The following KDM6A variants were observed in gnomAD, a reference collection of about 807,000 sequenced individuals.
The protein encoded by KDM6A is lysine-specific demethylase 6A.
A neutral mutation model predicts 117.6 loss-of-function variants in KDM6A; 11 were observed. The ratio of observed to expected loss-of-function variants is 0.09; its 90% CI spans 0.06 to 0.15. The LOEUF (loss-of-function observed/expected upper bound fraction) is 0.15, where lower values mean the gene tolerates loss of function less well. Ranked by LOEUF, KDM6A falls within the 10% of genes least tolerant of loss-of-function variation. KDM6A has a pLI of 1.00. For missense variants in KDM6A, 799 were observed against 1,077.3 expected, an observed-to-expected ratio of 0.74 and a Z score of 3.62; for synonymous variants, 384 against 396.1, an observed-to-expected ratio of 0.97 and a Z score of 0.36.
chrX:44,986,949 C>T (rs1313237193), intron 4 of KDM6A, among the ~76,000 whole-genome samples: 1 of 111,172 alleles, frequency 9.0e-6, no homozygotes, highest in Non-Finnish European at 1.9e-5. Context: ...GAGCTGAGTT[C>T]AATTCCTGGA....
Position 44,904,292 on chromosome X carries a change from T to A in KDM6A, c.225+30305T>A, listed in dbSNP as rs183516910. 9.8e-5 allele frequency among the ~76,000 whole-genome samples: 11 copies of A among 112,152 alleles called. No homozygotes were observed. In the East Asian group the frequency reaches 3.1e-3, roughly 31 times the overall value. ...GTGCAGTCAGTTGACAACATTGCCATAGCCATTATTTTGATTGTGCAGAGC... is the reference window on the plus strand; with the variant it reads ...GTGCAGTCAGTTGACAACATTGCCAAAGCCATTATTTTGATTGTGCAGAGC... On this transcript the variant is annotated intron_variant, in intron 2 of 29. Coordinates refer to ENST00000611820, the MANE Select transcript of KDM6A (RefSeq NM_001291415.2).
chrX:44,937,395 G>T (rs1602262329), intron 2 of KDM6A, among the ~76,000 whole-genome samples: 1 of 111,119 alleles, frequency 9.0e-6, no homozygotes, highest in Non-Finnish European at 1.9e-5. Context: ...CAAATCTATT[G>T]GAACCATTTT....
At chrX:45,084,285 C>G (rs2045556357) in intron 24 of KDM6A, among the ~76,000 whole-genome samples, 1 of 111,660 alleles carries the variant, frequency 9.0e-6, no homozygotes, top group South Asian at 3.7e-4. Context: ...ACTGAAGTAC[C>G]ATCTTCTTTG....
intron 5 of KDM6A, among the ~76,000 whole-genome samples, chrX:45,013,520 G>A (rs187188072): frequency 7.1e-5 from 8 of 111,957 alleles, no homozygotes; most frequent in African/African-American, 1.6e-4. Context: ...AAGTTAGCAG[G>A]CTTGTAGCTG....
chrX:44,873,373 G>GCCT lies in KDM6A; in HGVS notation c.-177_-176insTCC, dbSNP rs1438593302. The GCCT allele has an allele frequency of 4.6e-6, 3 of 651,678 alleles. No homozygotes were observed. In the African/African-American group the frequency reaches 7.2e-5, roughly 16 times the overall value. 53.7% of individuals were successfully genotyped at this position (651,678 alleles called of 1,213,427 possible). A position where few individuals can be genotyped will look rare whatever the true frequency, so the allele number is the denominator to read the frequency against. On this transcript the variant is annotated 5_prime_UTR_variant, in exon 1 of 30. Coordinates refer to ENST00000611820, the MANE Select transcript of KDM6A (RefSeq NM_001291415.2). ...ACCCGGGGGCTCCGCAGCCCCTGCC[G>GCCT]CCGCCGCCGCCGCCTTCACCGCCGC...
intron 5 of KDM6A, among the ~76,000 whole-genome samples, chrX:45,014,235 A>G (rs966179558): frequency 3.6e-5 from 4 of 112,162 alleles, no homozygotes; most frequent in Non-Finnish European, 5.6e-5. Context: ...TATTAGTTAT[A>G]GTGTTACTCT....
chrX:44,948,274 G>T (rs778132981), intron 2 of KDM6A, among the ~76,000 whole-genome samples: 7 of 111,867 alleles, frequency 6.3e-5, no homozygotes, highest in Non-Finnish European at 1.3e-4. Flanking sequence ...GCTGTTTTAT[G>T]CCTGGTAGCT....
chrX:45,006,378 A>T (rs777926761), intron 4 of KDM6A, among the ~76,000 whole-genome samples: 1 of 109,582 alleles, frequency 9.1e-6, no homozygotes, highest in Non-Finnish European at 1.9e-5. Flanking sequence ...TCGAATATAA[A>T]ATTTTCTTTT....
Position 45,110,238 on chromosome X carries a change from C to G in KDM6A, c.4321C>G (p.Gln1441Glu), listed in dbSNP as rs866649134. ...GGAGGACCTGATGCAAGTCTATGAC[C>G]AATTTACATTAGTAAGTCAAATCAA... ...KMEDLMQVYD[Q>E]FTLAPPLPSA... The change falls in exon 29 of 30, where the codon CAA becomes GAA. Residue 1441 changes from glutamine to glutamate, a missense_variant. By Grantham distance (29) the Gln-to-Glu change is conservative. Transcript: ENST00000611820. 1 of 1,207,380 alleles carries G rather than the reference C, an allele frequency of 8.3e-7. No homozygotes were observed. Among genetic ancestry groups the G allele is most frequent in the Non-Finnish European group, 1.1e-6 (1 of 891,782 alleles).
At position 45,082,577 on chromosome X, in the gene KDM6A, A is replaced by T. The variant is rs750975076; in HGVS notation, c.3302A>T (p.Glu1101Val). Residue 1101 changes from glutamate (E) to valine (V), a missense_variant and splice_region_variant, in exon 22 of 30, where the codon GAA becomes GTA. By Grantham distance (121) the Glu-to-Val change is moderately radical (BLOSUM62 -2). Transcript: ENST00000611820. ...QASSFQESLREENEKRSHHKD... is the reference protein window; with the variant it reads ...QASSFQESLRVENEKRSHHKD... The stretch of plus-strand genomic sequence containing the variant: ...GACTGCTTTTTGCTTAATCTATAGG[A>T]AGAAAATGAAAAAAGAAGTCATCAT... The T allele has an allele frequency of 8.5e-7, 1 of 1,177,293 alleles. No homozygotes were observed. The highest frequency in any genetic ancestry group is 1.2e-6 in the Non-Finnish European group (1 of 865,622).
chrX:45,104,865 T>C (rs1282296918), intron 27 of KDM6A, among the ~76,000 whole-genome samples: 1 of 112,304 alleles, frequency 8.9e-6, no homozygotes, highest in Non-Finnish European at 1.9e-5. Flanking sequence ...TGACTACTTA[T>C]GGCTTAATAT....
rs1416050283 is a variant in KDM6A, at chrX:45,061,306, T to A, written c.1486-18T>A. ...ACCAAATATTCTTTAATTTTTTTTT[T>A]AAATCGATTTTCCTCAGAATACTTC... On this transcript the variant is annotated intron_variant, in intron 14 of 29. Coordinates refer to ENST00000611820, the MANE Select transcript of KDM6A (RefSeq NM_001291415.2). 4 of 1,029,135 alleles carry A rather than the reference T, an allele frequency of 3.9e-6. No individual in the cohort carries two copies. Among genetic ancestry groups the A allele is most frequent in the Non-Finnish European group, 5.4e-6 (4 of 737,069 alleles). 84.8% of individuals were successfully genotyped at this position (1,029,135 alleles called of 1,213,427 possible). A position where few individuals can be genotyped will look rare whatever the true frequency, so the allele number is the denominator to read the frequency against.
intron 27 of KDM6A, 132 bp from the exon 28 acceptor site, chrX:45,107,278 A>T: frequency 1.6e-6 from 1 of 628,097 alleles, no homozygotes; most frequent in Non-Finnish European, 2.6e-6. Flanking sequence ...TGATAAATTG[A>T]TGAAAGAAAA....
rs1412725443 is a variant in KDM6A at position 44,911,103 on chromosome X, G to A, written c.225+37116G>A. ...GCAGAGGCGCCCCCACCTCCCGGAC[G>A]GGGCGGCTGGCCGGGCGGGGGCTGG... is the stretch of plus-strand genomic sequence containing the variant. On this transcript the variant is annotated intron_variant, in intron 2 of 29. Transcript: ENST00000611820. Among the ~76,000 whole-genome samples the A allele has an allele frequency of 5.1e-5, 5 of 98,773 alleles. No homozygotes were observed. The East Asian group carries it at 1.7e-3, about 34-fold the overall frequency. 85.8% of individuals were successfully genotyped at this position (98,773 alleles called of 115,157 possible).
intron 2 of KDM6A, among the ~76,000 whole-genome samples, chrX:44,927,766 ACT>A (rs757210653): frequency 2.9e-3 from 327 of 111,792 alleles, no homozygotes; most frequent in Non-Finnish European, 4.2e-3. Flanking sequence ...ACCAAACTAT[ACT>A]GACCTAGGAG....
chrX:44,940,416 T>C (rs1195072145), intron 2 of KDM6A, among the ~76,000 whole-genome samples: 1 of 111,831 alleles, frequency 8.9e-6, no homozygotes, highest in Non-Finnish European at 1.9e-5. Context: ...ACCACCAATC[T>C]CATCAGAAAA....
chrX:45,052,336 G>A (rs1027455814), intron 9 of KDM6A, among the ~76,000 whole-genome samples: 1 of 111,835 alleles, frequency 8.9e-6, no homozygotes, highest in African/African-American at 3.3e-5. Flanking sequence ...TAATTATTGA[G>A]TCATGTTTCT....
chrX:44,938,735 A>C (rs1003860631), intron 2 of KDM6A, among the ~76,000 whole-genome samples: 1 of 112,516 alleles, frequency 8.9e-6, no homozygotes, highest in Non-Finnish European at 1.9e-5. Context: ...CTTAGCTTCA[A>C]AACTTCAAGG....
At chrX:44,990,964 A>G (rs2040550482) in intron 4 of KDM6A, among the ~76,000 whole-genome samples, 1 of 112,321 alleles carries the variant, frequency 8.9e-6, no homozygotes, top group Non-Finnish European at 1.9e-5. Context: ...GGTTTTGTGG[A>G]CCAAGATATA....
Sources: allele counts gnomAD v4.1 joint callset (sites outside exome capture counted in the v4.1 genomes callset), GRCh38; gene constraint gnomAD v4.1.1; transcripts MANE v1.5; gene names NCBI Gene and HGNC (gene_info 2026-07-23, HGNC 2026-07-21).